Variants in NUDT16 observed in about 807,000 individuals in gnomAD.
NUDT16 encodes nudix hydrolase 16, also known as U8 snoRNA-decapping enzyme.
NUDT16 carries 12 observed loss-of-function variants against 11.7 expected under a neutral mutation model. That is an observed-to-expected ratio of 1.03 (90% CI 0.66 to 1.67). The LOEUF (loss-of-function observed/expected upper bound fraction) is 1.67, where lower values mean the gene tolerates loss of function less well. Ranked by LOEUF, NUDT16 falls within the 40% of genes most tolerant of loss-of-function variation. The pLI, the probability that NUDT16 is intolerant of heterozygous loss-of-function variation, is 0.00. For synonymous variants in NUDT16, 129 were observed against 122.6 expected (o/e 1.05, Z -0.35); for missense variants, 303 against 268.9 (o/e 1.13, Z -0.89).
rs755572495 is a variant in NUDT16, at chr3:131,382,034, C to T, written c.139-12C>T. On this transcript the variant is annotated splice_polypyrimidine_tract_variant and intron_variant, in intron 1 of 2. Coordinates refer to ENST00000521288, the MANE Select transcript of NUDT16 (RefSeq NM_152395.3). ...GGGCGCCCCTGCCAATCCCCGCTTC[C>T]CCCTCCCGCAGATGCAGATGCGCTT... is the stretch of plus-strand genomic sequence containing the variant. The T allele has an allele frequency of 6.3e-7, 1 of 1,577,732 alleles. No homozygotes were observed. Among genetic ancestry groups the T allele is most frequent in the Non-Finnish European group, 8.6e-7 (1 of 1,160,322 alleles).
chr3:131,385,592 G>A lies in NUDT16; in HGVS notation c.*2251G>A, dbSNP rs2097459462. The A allele has an allele frequency of 6.6e-6, 1 of 152,358 alleles. No individual in the cohort carries two copies. Among genetic ancestry groups the A allele is most frequent in the Non-Finnish European group, 1.5e-5 (1 of 68,154 alleles). The allele number at this position is 152,358 out of a possible 1,614,324, so 9.4% of individuals were successfully genotyped here. A position where few individuals can be genotyped will look rare whatever the true frequency, so the allele number is the denominator to read the frequency against. ...TGGAAGCTTGATGCAGAGCAGTGTGGGTCCCACTGGCAGCCCTTGGTCTTA... is the reference window on the plus strand; with the variant it reads ...TGGAAGCTTGATGCAGAGCAGTGTGAGTCCCACTGGCAGCCCTTGGTCTTA... On this transcript the variant is annotated 3_prime_UTR_variant, in exon 3 of 3. Coordinates refer to ENST00000521288, the MANE Select transcript of NUDT16 (RefSeq NM_152395.3).
chr3:131,388,176 C>T lies in NUDT16; in HGVS notation c.*4835C>T, dbSNP rs374396617. Reference sequence around the variant, plus strand: ...TCATCAGCCCCAGGAAAATCTACCTCTGATATGGAGACCAGGCTTAAGAAA... The same window carrying T: ...TCATCAGCCCCAGGAAAATCTACCTTTGATATGGAGACCAGGCTTAAGAAA... On this transcript the variant is annotated 3_prime_UTR_variant, in exon 3 of 3. Transcript: ENST00000521288. The T allele has an allele frequency of 3.9e-5, 6 of 152,132 alleles. No homozygotes were observed. Among genetic ancestry groups the T allele is most frequent in the Non-Finnish European group, 8.8e-5 (6 of 68,064 alleles). The allele number at this position is 152,132 out of a possible 1,614,324, so 9.4% of individuals were successfully genotyped here.
Position 131,383,145 on chromosome 3 carries a change from T to C in NUDT16, c.409-17T>C, listed in dbSNP as rs1405290835. The C allele has an allele frequency of 1.2e-6, 2 of 1,608,234 alleles. No individual in the cohort carries two copies. Among genetic ancestry groups the C allele is most frequent in the South Asian group, 1.1e-5 (1 of 90,788 alleles). On this transcript the variant is annotated splice_polypyrimidine_tract_variant and intron_variant, in intron 2 of 2. Coordinates refer to ENST00000521288, the MANE Select transcript of NUDT16 (RefSeq NM_152395.3). This position sits in a 1 kb window ranked among gnomAD's most constrained non-coding sequence, Gnocchi z 4.4. ...CCACCTGGGGCCCTAGTGTCTCCTG[T>C]CTCCTTCCTTTTACAGGTGCTGGGC... is the stretch of plus-strand genomic sequence containing the variant.
At chr3:131,382,475 G>T (rs2097456427) in intron 2 of NUDT16, 160 bp downstream of exon 2, 1 of 1,536,468 alleles carries the variant, frequency 6.5e-7, no homozygotes, top group Admixed American at 2.0e-5. Context: ...TCTATACTCT[G>T]AATTAGTACT....
rs1386155475 is a variant in NUDT16, at chr3:131,386,509, G to A, written c.*3168G>A. ...AATGTTGCTGTGATTCCTGTGGTGA[G>A]ATCAGATGAGGCAGCACTTGGGATA... On this transcript the variant is annotated 3_prime_UTR_variant, in exon 3 of 3. Transcript: ENST00000521288. The A allele has an allele frequency of 6.6e-6, 1 of 152,266 alleles. No homozygotes were observed. Among genetic ancestry groups the A allele is most frequent in the Non-Finnish European group, 1.5e-5 (1 of 68,084 alleles). The allele number at this position is 152,266 out of a possible 1,614,324, so 9.4% of individuals were successfully genotyped here.
chr3:131,382,184 A>G lies in NUDT16; in HGVS notation c.277A>G (p.Thr93Ala). 6.2e-7 allele frequency: 1 copy of G among 1,612,334 alleles called. No individual in the cohort carries two copies. Among genetic ancestry groups the G allele is most frequent in the Non-Finnish European group, 8.5e-7 (1 of 1,179,536 alleles). ...GGCTGCCGCTTTCCGCGTGGAGCGC[A>G]CTGACTACCGCAGCTCCCACGTCGG... The part of the protein sequence containing the change: ...EAAAAFRVER[T>A]DYRSSHVGSG... Residue 93 changes from threonine to alanine, a missense_variant, in exon 2 of 3, where the codon ACT (threonine) becomes GCT (alanine). Transcript: ENST00000521288.
rs2097461218 is a variant in NUDT16, at chr3:131,388,311, G to A, written c.*4970G>A. On this transcript the variant is annotated 3_prime_UTR_variant, in exon 3 of 3. Transcript: ENST00000521288. ...TCCAGAGTCTTGTTAAGTGATAGAA[G>A]GAAAATACTAACAGAACACATGTAA... is the stretch of plus-strand genomic sequence containing the variant. The A allele has an allele frequency of 6.6e-6, 1 of 152,090 alleles. No individual in the cohort carries two copies. The highest frequency in any genetic ancestry group is 1.5e-5 in the Non-Finnish European group (1 of 68,002). The allele number at this position is 152,090 out of a possible 1,614,324, so 9.4% of individuals were successfully genotyped here.
In NUDT16 at chr3:131,384,805, G is replaced by A. The variant is rs1314315085; in HGVS notation, c.*1464G>A. On this transcript the variant is annotated 3_prime_UTR_variant, in exon 3 of 3. Transcript: ENST00000521288. ...GGAGTGTGTTCTCAGAAGGTATGAA[G>A]TAGATGTTTTCCTAGGTGTTGGAAA... The A allele has an allele frequency of 6.6e-6, 1 of 152,238 alleles. No individual in the cohort carries two copies. Among genetic ancestry groups the A allele is most frequent in the Non-Finnish European group, 1.5e-5 (1 of 68,078 alleles). 9.4% of individuals were successfully genotyped at this position (152,238 alleles called of 1,614,324 possible).
Position 131,382,265 on chromosome 3 carries a change from C to CTGTT in NUDT16, c.359_362dup (p.Leu121PhefsTer54), listed in dbSNP as rs756743005. Reference sequence around the variant, plus strand: ...TGCCAAGCGTCTGACGCTCGAGGAGCTGTTGGCTGTGGAGGCCGGCGCAAC... The same window carrying CTGTT: ...TGCCAAGCGTCTGACGCTCGAGGAGCTGTTTGTTGGCTGTGGAGGCCGGCGCAAC... On this transcript the variant is annotated frameshift_variant, in exon 2 of 3. Transcript: ENST00000521288. LOFTEE classifies it low-confidence loss of function (END_TRUNC). 6.2e-7 allele frequency: 1 copy of CTGTT among 1,612,538 alleles called. No homozygotes were observed. Among genetic ancestry groups the CTGTT allele is most frequent in the Non-Finnish European group, 8.5e-7 (1 of 1,179,726 alleles).
At position 131,383,075 on chromosome 3, in the gene NUDT16, G is replaced by T; in HGVS notation, c.409-87G>T. ...CCTGGTTCTGCTGGAGTATTAAGGGGTGAGGCCTGATCTGCTGGAGAAAGG... is the reference window on the plus strand; with the variant it reads ...CCTGGTTCTGCTGGAGTATTAAGGGTTGAGGCCTGATCTGCTGGAGAAAGG... On this transcript the variant is annotated intron_variant, in intron 2 of 2. Transcript: ENST00000521288. This position sits in a 1 kb window ranked among gnomAD's most constrained non-coding sequence, Gnocchi z 4.4. The T allele has an allele frequency of 7.0e-7, 1 of 1,426,930 alleles. No homozygotes were observed. 88.4% of individuals were successfully genotyped at this position (1,426,930 alleles called of 1,614,324 possible). A position where few individuals can be genotyped will look rare whatever the true frequency, so the allele number is the denominator to read the frequency against.
intron 2 of NUDT16, chr3:131,382,584 C>G: frequency 6.6e-7 from 1 of 1,526,568 alleles, no homozygotes; most frequent in Non-Finnish European, 8.7e-7. Context: ...TCCCTATTGA[C>G]AGTGTGATAG....
rs766293056 is a variant in NUDT16, at chr3:131,386,796, C to G, written c.*3455C>G. 6.6e-6 allele frequency: 1 copy of G among 152,248 alleles called. No individual in the cohort carries two copies. The highest frequency in any genetic ancestry group is 1.5e-5 in the Non-Finnish European group (1 of 68,064). 9.4% of individuals were successfully genotyped at this position (152,248 alleles called of 1,614,324 possible). On this transcript the variant is annotated 3_prime_UTR_variant, in exon 3 of 3. Transcript: ENST00000521288. Reference sequence around the variant, plus strand: ...GGTCACTTGGCATATGGCAAAGCTGCTGCTGTGGGCTGGAACATTTGAGGC... The same window carrying G: ...GGTCACTTGGCATATGGCAAAGCTGGTGCTGTGGGCTGGAACATTTGAGGC...
In NUDT16 at chr3:131,388,421, T is replaced by C. The variant is rs1220277005; in HGVS notation, c.*5080T>C. 1 of 152,212 alleles carries C rather than the reference T, an allele frequency of 6.6e-6. No homozygotes were observed. Among genetic ancestry groups the C allele is most frequent in the Admixed American group, 6.5e-5 (1 of 15,280 alleles). 9.4% of individuals were successfully genotyped at this position (152,212 alleles called of 1,614,324 possible). A position where few individuals can be genotyped will look rare whatever the true frequency, so the allele number is the denominator to read the frequency against. ...CAGAAGTGGGCAGTACTCACTATGT[T>C]CAGGGGAACAAAAAGATAAAAACTA... On this transcript the variant is annotated 3_prime_UTR_variant, in exon 3 of 3. Coordinates refer to ENST00000521288, the MANE Select transcript of NUDT16 (RefSeq NM_152395.3).
rs1157201954 is a variant in NUDT16, at chr3:131,386,649, C to G, written c.*3308C>G. The G allele has an allele frequency of 6.6e-6, 1 of 152,290 alleles. No homozygotes were observed. The highest frequency in any genetic ancestry group is 6.5e-5 in the Admixed American group (1 of 15,286). 9.4% of individuals were successfully genotyped at this position (152,290 alleles called of 1,614,324 possible). On this transcript the variant is annotated 3_prime_UTR_variant, in exon 3 of 3. Coordinates refer to ENST00000521288, the MANE Select transcript of NUDT16 (RefSeq NM_152395.3). ...TGGCCCAGCCGCCTCTCCACAAACACGTGTTTCTGCCTTTCTCAGCATAAT... is the reference window on the plus strand; with the variant it reads ...TGGCCCAGCCGCCTCTCCACAAACAGGTGTTTCTGCCTTTCTCAGCATAAT...
rs1163850598 is a variant in NUDT16, at chr3:131,388,713, T to C, written c.*5372T>C. 5 of 152,190 alleles carry C rather than the reference T, an allele frequency of 3.3e-5. No individual in the cohort carries two copies. The highest frequency in any genetic ancestry group is 7.3e-5 in the Non-Finnish European group (5 of 68,028). The allele number at this position is 152,190 out of a possible 1,614,324, so 9.4% of individuals were successfully genotyped here. A position where few individuals can be genotyped will look rare whatever the true frequency, so the allele number is the denominator to read the frequency against. On this transcript the variant is annotated 3_prime_UTR_variant, in exon 3 of 3. Coordinates refer to ENST00000521288, the MANE Select transcript of NUDT16 (RefSeq NM_152395.3). ...TGGCTCCTATTATGTACAATTTTAG[T>C]GCTAAGTACTGTGTTAATGATGGCT...
At chr3:131,382,382 A>G (rs774887743) in intron 2 of NUDT16, 67 bp downstream of exon 2, 3 of 1,598,976 alleles carry the variant, frequency 1.9e-6, no homozygotes, top group Admixed American at 1.7e-5. Context: ...CTCTCCCCCA[A>G]GAAAGCATCC....
chr3:131,382,450 T>G lies in NUDT16; in HGVS notation c.408+135T>G. On this transcript the variant is annotated intron_variant, in intron 2 of 2. Transcript: ENST00000521288. ...CCTCTCCCCAGCTTTCTTGGTGGAG[T>G]TGGGATCGTGATCATCTATACTCTG... 7 of 1,538,284 alleles carry G rather than the reference T, an allele frequency of 4.6e-6. No homozygotes were observed. Among genetic ancestry groups the G allele is most frequent in the Non-Finnish European group, 6.1e-6 (7 of 1,147,568 alleles).
rs759047745 is a variant in NUDT16 at position 131,382,517 on chromosome 3, C to T, written c.408+202C>T. On this transcript the variant is annotated intron_variant, in intron 2 of 2. Transcript: ENST00000521288. ...CTGGGCTTTCTGTAAAGGTCTTTCC[C>T]ACCCTTTACCAGGAGAGATCCTTTC... 7.8e-5 allele frequency: 120 copies of T among 1,535,958 alleles called. No individual in the cohort carries two copies. Among genetic ancestry groups the T allele is most frequent in the Non-Finnish European group, 1.0e-4 (115 of 1,146,854 alleles).
chr3:131,381,726 C>G (rs1474821700), upstream of NUDT16: 4 of 1,462,564 alleles, frequency 2.7e-6, no homozygotes, highest in Non-Finnish European at 3.7e-6. Context: ...CAGCACCGCC[C>G]AGGCTCGGAT....
Sources: allele counts gnomAD v4.1 joint callset, GRCh38; gene constraint gnomAD v4.1.1; non-coding constraint Gnocchi (gnomAD v3.1); transcripts MANE v1.5; gene names NCBI Gene and HGNC (gene_info 2026-07-23, HGNC 2026-07-21).